TADA3: variants seen among roughly 807,000 people sequenced by gnomAD.
TADA3 encodes the protein transcriptional adapter 3.
Under a neutral mutation model 43.2 loss-of-function variants are expected in TADA3, and 25 were observed. The ratio of observed to expected loss-of-function variants is 0.58; its 90% CI spans 0.42 to 0.81. TADA3 has a LOEUF of 0.81. Ranked by LOEUF, TADA3 falls within the 30% of genes least tolerant of loss-of-function variation. TADA3 has a pLI of 0.00. For missense variants in TADA3, 441 were observed against 567.8 expected (o/e 0.78, Z 2.27); for synonymous variants, 235 against 225.5 (o/e 1.04, Z -0.38).
chr3:9,786,308 C>T (rs907647829), intron 6 of TADA3, among the ~76,000 whole-genome samples: 3 of 152,148 alleles, frequency 2.0e-5, no homozygotes, highest in African/African-American at 7.2e-5. Context: ...ACTGCAAGGC[C>T]ACCGTCAGCT....
At chr3:9,784,801 T>A (rs1575298757) in intron 7 of TADA3, among the ~76,000 whole-genome samples, 1 of 151,512 alleles carries the variant, frequency 6.6e-6, no homozygotes, top group South Asian at 2.1e-4. Context: ...GAGGCGGAGG[T>A]TGCAGTGAGC....
intron 7 of TADA3, 96 bp from the exon 8 acceptor site, chr3:9,784,309 G>A: frequency 6.9e-7 from 1 of 1,459,308 alleles, no homozygotes; most frequent in South Asian, 1.4e-5. Flanking sequence ...GTGAAAACCT[G>A]CCTTTCCCTT....
chr3:9,787,069 T>C lies in TADA3; in HGVS notation c.747A>G (p.Glu249=). 1 of 1,614,220 alleles carries C rather than the reference T, an allele frequency of 6.2e-7. No individual in the cohort carries two copies. Among genetic ancestry groups the C allele is most frequent in the South Asian group, 1.1e-5 (1 of 91,082 alleles). ...ALLKKSEAQH[E]QPEDGCPFGA... ...CAAAGGGGCATCCATCTTCCGGCTG[T>C]TCATGCTGGGCCTCAGACTTCTTCA... The change falls in exon 6 of 9, where the codon GAA becomes GAG. Residue 249 remains glutamate (E), a synonymous_variant. Coordinates refer to ENST00000301964, the MANE Select transcript of TADA3 (RefSeq NM_006354.5).
upstream of TADA3, chr3:9,792,710 G>A (rs1349765500): frequency 8.1e-7 from 1 of 1,234,420 alleles, no homozygotes; most frequent in African/African-American, 1.5e-5. Flanking sequence ...CTGCGGGTAG[G>A]AGGGGCGAGA....
At chr3:9,791,565 G>T in intron 1 of TADA3, 72 bp from the exon 2 acceptor site, 3 of 919,010 alleles carry the variant, frequency 3.3e-6, no homozygotes, top group Non-Finnish European at 4.8e-6. Flanking sequence ...TACCTCCAGG[G>T]ACAGCCTCAA....
At chr3:9,787,757 G>C (rs2078650061) in intron 4 of TADA3, 2 of 1,248,864 alleles carry the variant, frequency 1.6e-6, no homozygotes, top group Non-Finnish European at 2.1e-6. Flanking sequence ...GATAAGTGAA[G>C]TGAAAGAGAG....
At position 9,789,789 on chromosome 3, in the gene TADA3, G is replaced by C. The variant is rs2078694560; in HGVS notation, c.382C>G (p.Pro128Ala). 6.2e-7 allele frequency: 1 copy of C among 1,614,110 alleles called. No homozygotes were observed. The highest frequency in any genetic ancestry group is 1.3e-5 in the African/African-American group (1 of 74,936). ...GTGAATTCATATTCCTGGATCTTGGGCTGAAGGTTTTTGGATTTGGGCCGT... is the reference window on the plus strand; with the variant it reads ...GTGAATTCATATTCCTGGATCTTGGCCTGAAGGTTTTTGGATTTGGGCCGT... ...PGRPKSKNLQ[P>A]KIQEYEFTDD... The change falls in exon 3 of 9, where the codon CCC becomes GCC. Residue 128 changes from proline (P) to alanine (A), a missense_variant. Coordinates refer to ENST00000301964, the MANE Select transcript of TADA3 (RefSeq NM_006354.5).
At chr3:9,786,808 T>C (rs1453817825) in intron 6 of TADA3, among the ~76,000 whole-genome samples, 198 bp downstream of exon 6, 2 of 152,242 alleles carry the variant, frequency 1.3e-5, no homozygotes, top group Admixed American at 6.5e-5. Context: ...ACATTTATGA[T>C]CTGTGCACTT....
At position 9,787,240 on chromosome 3, in the gene TADA3, T is replaced by C; in HGVS notation, c.665A>G (p.Lys222Arg). 6.2e-7 allele frequency: 1 copy of C among 1,614,234 alleles called. No individual in the cohort carries two copies. The highest frequency in any genetic ancestry group is 8.5e-7 in the Non-Finnish European group (1 of 1,180,030). ...GARAAAVADK[K>R]KGLMGPLTEL... is the part of the protein sequence containing the mutation. ...GGTCAGTGGCCCCATGAGGCCTTTC[T>C]TCTTGTCAGCCACAGCCGCTGCCCG... The change falls in exon 5 of 9, where the codon AAG becomes AGG. Residue 222 changes from lysine (K) to arginine (R), a missense_variant. Physicochemically the swap from Lys to Arg is conservative, Grantham distance 26. Coordinates refer to ENST00000301964, the MANE Select transcript of TADA3 (RefSeq NM_006354.5).
At position 9,792,436 on chromosome 3, in the gene TADA3, G is replaced by A. The variant is rs1204280214; in HGVS notation, c.-248C>T. The A allele has an allele frequency of 2.8e-5, 31 of 1,103,622 alleles. No homozygotes were observed. Among genetic ancestry groups the A allele is most frequent in the African/African-American group, 1.6e-5 (1 of 61,318 alleles). The allele number at this position is 1,103,622 out of a possible 1,614,324, so 68.4% of individuals were successfully genotyped here. On this transcript the variant is annotated 5_prime_UTR_variant, in exon 1 of 9. Transcript: ENST00000301964. ...GGCCCCAGGGGCCGCGGGAGGGGGC[G>A]GGGAGTTCCGGTCGATGTGAGCAAC...
intron 8 of TADA3, chr3:9,781,414 A>G (rs1013306799): frequency 7.0e-6 from 3 of 430,890 alleles, no homozygotes; most frequent in African/African-American, 6.1e-5. Flanking sequence ...CCGTGAGGAA[A>G]ATGAGGCTCA....
In TADA3 at chr3:9,784,008, T is replaced by C. The variant is rs993634584; in HGVS notation, c.1106+20A>G. Reference sequence around the variant, plus strand: ...GCCTCCAAGGCCACCCCCGGGACTGTGCATCCTGCTAACGCTCACCTCAGC... The same window carrying C: ...GCCTCCAAGGCCACCCCCGGGACTGCGCATCCTGCTAACGCTCACCTCAGC... On this transcript the variant is annotated intron_variant, in intron 8 of 8. Coordinates refer to ENST00000301964, the MANE Select transcript of TADA3 (RefSeq NM_006354.5). The C allele has an allele frequency of 7.5e-6, 12 of 1,606,818 alleles. No homozygotes were observed. Among genetic ancestry groups the C allele is most frequent in the South Asian group, 1.1e-5 (1 of 90,780 alleles).
intron 6 of TADA3, among the ~76,000 whole-genome samples, chr3:9,786,301 G>T (rs554686447): frequency 1.5e-4 from 23 of 152,240 alleles, no homozygotes; most frequent in African/African-American, 5.1e-4. Context: ...TGTGCAGACT[G>T]CAAGGCCACC....
intron 6 of TADA3, among the ~76,000 whole-genome samples, chr3:9,785,694 C>T (rs1033435211): frequency 3.3e-5 from 5 of 152,198 alleles, no homozygotes; most frequent in Admixed American, 1.3e-4. Context: ...GTTTGTGAAG[C>T]GTCTGCAACG....
At chr3:9,781,601 G>A (rs1162016956) in intron 8 of TADA3, 11 of 456,124 alleles carry the variant, frequency 2.4e-5, no homozygotes, top group Non-Finnish European at 4.4e-5. Context: ...CTGACAGGAG[G>A]TGGGTGAGAC....
At chr3:9,785,882 G>A (rs1471653799) in intron 6 of TADA3, among the ~76,000 whole-genome samples, 3 of 152,080 alleles carry the variant, frequency 2.0e-5, no homozygotes, top group East Asian at 1.9e-4. Flanking sequence ...GAAGAGATAA[G>A]AGCCATAGCT....
At chr3:9,787,620 C>T (rs2078646677) in intron 4 of TADA3, 1 of 1,240,124 alleles carries the variant, frequency 8.1e-7, no homozygotes, top group African/African-American at 1.5e-5. Flanking sequence ...TGTCTCAGGT[C>T]ACAGCAATTG....
chr3:9,792,452 T>G lies in TADA3; in HGVS notation c.-264A>C, dbSNP rs2078762338. The G allele has an allele frequency of 2.7e-5, 31 of 1,130,264 alleles. No homozygotes were observed. Among genetic ancestry groups the G allele is most frequent in the East Asian group, 1.3e-4 (3 of 23,384 alleles). The allele number at this position is 1,130,264 out of a possible 1,614,324, so 70.0% of individuals were successfully genotyped here. On this transcript the variant is annotated 5_prime_UTR_variant, in exon 1 of 9. Coordinates refer to ENST00000301964, the MANE Select transcript of TADA3 (RefSeq NM_006354.5). ...GGAGGGGGCGGGGAGTTCCGGTCGA[T>G]GTGAGCAACCGCCCCGGAACTGGCT...
At chr3:9,787,941 A>C in intron 4 of TADA3, 1 of 357,826 alleles carries the variant, frequency 2.8e-6, no homozygotes, top group African/African-American at 2.1e-5. Context: ...ACCAGCGAGG[A>C]GGCTGTGGTG....
Sources: allele counts gnomAD v4.1 joint callset (sites outside exome capture counted in the v4.1 genomes callset), GRCh38; gene constraint gnomAD v4.1.1; transcripts MANE v1.5; gene names NCBI Gene and HGNC (gene_info 2026-07-23, HGNC 2026-07-21).